The following RAB3C variants were observed in gnomAD, a reference collection of about 807,000 sequenced individuals.
RAB3C encodes RAB3C, member RAS oncogene family, also known as ras-related protein Rab-3C.
In RAB3C, 17 loss-of-function variants were observed where a neutral mutation model predicts 26.4. That is an observed-to-expected ratio of 0.64 (90% CI 0.44 to 0.97). The LOEUF is 0.97. Among genes scored for constraint, RAB3C ranks in the 50% least tolerant of loss-of-function variants. The pLI is 0.00. For synonymous variants in RAB3C, 91 were observed against 95.9 expected (o/e 0.95, Z 0.30); for missense variants, 242 against 281.9 (o/e 0.86, Z 1.01).
intron 3 of RAB3C, among the ~76,000 whole-genome samples, chr5:58,801,498 T>A (rs1742807524): frequency 6.6e-6 from 1 of 152,224 alleles, no homozygotes; most frequent in Non-Finnish European, 1.5e-5. Context: ...CACTAAAGAC[T>A]AGGTTCCTAT....
At chr5:58,728,627 A>C (rs1740938405) in intron 3 of RAB3C, among the ~76,000 whole-genome samples, 1 of 151,984 alleles carries the variant, frequency 6.6e-6, no homozygotes, top group African/African-American at 2.4e-5. Flanking sequence ...AGCACATGTT[A>C]ATCACCTGTA....
At chr5:58,589,921 A>C (rs779306078) in intron 1 of RAB3C, among the ~76,000 whole-genome samples, 1 of 152,176 alleles carries the variant, frequency 6.6e-6, no homozygotes, top group Non-Finnish European at 1.5e-5. Flanking sequence ...GCTGTGTGTC[A>C]AGGAAGCAGG....
chr5:58,597,079 A>AT (rs1561260515), intron 1 of RAB3C, among the ~76,000 whole-genome samples: 7 of 6,564 alleles, frequency 1.1e-3, no homozygotes, highest in African/African-American at 6.6e-3. Context: ...ATTATATAAT[A>AT]ATATATAATA....
intron 3 of RAB3C, among the ~76,000 whole-genome samples, chr5:58,809,131 C>G (rs1448799608): frequency 2.6e-5 from 4 of 152,128 alleles, no homozygotes; most frequent in Admixed American, 2.0e-4. Flanking sequence ...AGCTGAAAAA[C>G]TATGTATGAA....
intron 3 of RAB3C, among the ~76,000 whole-genome samples, chr5:58,782,202 T>C (rs1449631188): frequency 1.5e-4 from 23 of 152,112 alleles, no homozygotes; most frequent in Admixed American, 1.5e-3. Context: ...TGTCTACTGG[T>C]ATACCACAGG....
intron 2 of RAB3C, among the ~76,000 whole-genome samples, chr5:58,620,732 C>G (rs1461460257): frequency 6.6e-6 from 1 of 152,166 alleles, no homozygotes; most frequent in Non-Finnish European, 1.5e-5. Context: ...CAAGCTAGGT[C>G]TATCACATTC....
intron 1 of RAB3C, among the ~76,000 whole-genome samples, chr5:58,610,278 T>A (rs1746671501): frequency 6.6e-6 from 1 of 151,066 alleles, no homozygotes; most frequent in Non-Finnish European, 1.5e-5. Flanking sequence ...TGTTAGGTCA[T>A]ATGGTAAATA....
intron 4 of RAB3C, among the ~76,000 whole-genome samples, chr5:58,827,055 G>A (rs1015445084): frequency 2.6e-4 from 39 of 152,214 alleles, no homozygotes; most frequent in Non-Finnish European, 5.9e-5. Flanking sequence ...ACGGTCTCCT[G>A]TGGCAGCTTT....
chr5:58,616,840 A>G (rs989774909), intron 1 of RAB3C, among the ~76,000 whole-genome samples: 1 of 152,132 alleles, frequency 6.6e-6, no homozygotes, highest in Non-Finnish European at 1.5e-5. Context: ...ATGATCTTCT[A>G]GGGCACTTGC....
chr5:58,648,705 C>G (rs750472978), intron 2 of RAB3C, among the ~76,000 whole-genome samples: 2 of 151,996 alleles, frequency 1.3e-5, no homozygotes, highest in Non-Finnish European at 2.9e-5. Context: ...TTAAAATACT[C>G]AAGTATTTTA....
intron 3 of RAB3C, among the ~76,000 whole-genome samples, chr5:58,757,695 C>G (rs1178322045): frequency 6.6e-6 from 1 of 152,082 alleles, no homozygotes; most frequent in Non-Finnish European, 1.5e-5. Flanking sequence ...TTTTTTTCCC[C>G]TGCAACTAAT....
chr5:58,856,506 T>A lies in RAB3C; in HGVS notation c.*5155T>A, dbSNP rs1027696644. On this transcript the variant is annotated 3_prime_UTR_variant, in exon 5 of 5. Coordinates refer to ENST00000282878, the MANE Select transcript of RAB3C (RefSeq NM_138453.4). Reference sequence around the variant, plus strand: ...AAAATGAGACTCAAATTTCACCATTTACTTCCCATCAGCAACCATTACTGG... The same window carrying A: ...AAAATGAGACTCAAATTTCACCATTAACTTCCCATCAGCAACCATTACTGG... 1 of 152,178 alleles carries A rather than the reference T, an allele frequency of 6.6e-6. No homozygotes were observed. The highest frequency in any genetic ancestry group is 2.4e-5 in the African/African-American group (1 of 41,442). 9.4% of individuals were successfully genotyped at this position (152,178 alleles called of 1,614,324 possible). A position where few individuals can be genotyped will look rare whatever the true frequency, so the allele number is the denominator to read the frequency against.
At chr5:58,808,200 G>A (rs1742987397) in intron 3 of RAB3C, among the ~76,000 whole-genome samples, 1 of 145,506 alleles carries the variant, frequency 6.9e-6, no homozygotes, top group Non-Finnish European at 1.5e-5. Context: ...ACTCCAGCCT[G>A]GGTGACAGAG....
intron 3 of RAB3C, among the ~76,000 whole-genome samples, chr5:58,739,987 T>A (rs1207637192): frequency 3.3e-5 from 5 of 152,212 alleles, no homozygotes; most frequent in African/African-American, 1.2e-4. Flanking sequence ...TTCCAAACTT[T>A]GTTTTAAGCA....
intron 3 of RAB3C, among the ~76,000 whole-genome samples, chr5:58,729,069 A>G (rs293007): frequency 0.54 from 82,464 of 151,716 alleles, 22,818 homozygotes; most frequent in Non-Finnish European, 0.6. Flanking sequence ...TTTATTCATA[A>G]CAGACAACAC....
intron 2 of RAB3C, among the ~76,000 whole-genome samples, chr5:58,678,583 G>A (rs1205395304): frequency 6.6e-6 from 1 of 152,294 alleles, no homozygotes; most frequent in South Asian, 2.1e-4. Flanking sequence ...TTCCCTGCAT[G>A]TTTCAGAGAA....
chr5:58,667,528 G>T (rs186339765), intron 2 of RAB3C, among the ~76,000 whole-genome samples: 10 of 152,196 alleles, frequency 6.6e-5, no homozygotes, highest in Middle Eastern at 3.4e-3. Flanking sequence ...GACTCCTGTT[G>T]CCTAGGAAGA....
intron 3 of RAB3C, among the ~76,000 whole-genome samples, chr5:58,763,804 A>C (rs570490649): frequency 1.3e-5 from 2 of 152,334 alleles, no homozygotes; most frequent in South Asian, 4.1e-4. Flanking sequence ...AAAAGGTAAT[A>C]GAGTGATATG....
chr5:58,732,405 G>A (rs748302419), intron 3 of RAB3C, among the ~76,000 whole-genome samples: 1 of 151,998 alleles, frequency 6.6e-6, no homozygotes, highest in Non-Finnish European at 1.5e-5. Flanking sequence ...AGTTTTTGTT[G>A]AATTTGGATG....
Sources: allele counts gnomAD v4.1 joint callset (sites outside exome capture counted in the v4.1 genomes callset), GRCh38; gene constraint gnomAD v4.1.1; transcripts MANE v1.5; gene names NCBI Gene and HGNC (gene_info 2026-07-23, HGNC 2026-07-21).